Variants in HMCN1 observed in about 807,000 individuals in gnomAD.
HMCN1 encodes the protein hemicentin 1, also known as hemicentin-1.
HMCN1 carries 321 observed loss-of-function variants against 625.9 expected under a neutral mutation model. That is an observed-to-expected ratio of 0.51 (90% confidence interval 0.47 to 0.56). The LOEUF is 0.56. HMCN1 is among the 20% of genes least tolerant of loss of function. The probability of loss-of-function intolerance (pLI) is 0.00; values close to 1 mark genes in which losing one functional copy is unlikely to be tolerated. For synonymous variants in HMCN1, 2,425 were observed against 2,417.6 expected, an observed-to-expected ratio of 1.00 and a Z score of -0.09; for missense variants, 6,588 against 6,887.3, an observed-to-expected ratio of 0.96 and a Z score of 1.54.
Position 185,970,349 on chromosome 1 carries a change from A to G in HMCN1, c.2227A>G (p.Arg743Gly). ...VKWFKGDLEL[R>G]PSTFLIIDPL... ...TTTTGACTTAGGAGATCTTGAGTTG[A>G]GGCCCTCAACATTCCTCATTATTGA... is the stretch of plus-strand genomic sequence containing the variant. The change falls in exon 15 of 107, where the codon AGG (arginine) becomes GGG (glycine). Residue 743 changes from arginine (R) to glycine (G), a missense_variant. Physicochemically the swap from Arg to Gly is moderately radical, Grantham distance 125. Transcript: ENST00000271588. 6.2e-7 allele frequency: 1 copy of G among 1,613,564 alleles called. No homozygotes were observed. Among genetic ancestry groups the G allele is most frequent in the Non-Finnish European group, 8.5e-7 (1 of 1,179,542 alleles).
intron 2 of HMCN1, among the ~76,000 whole-genome samples, chr1:185,854,074 G>A (rs1662320754): frequency 6.6e-6 from 1 of 152,156 alleles, no homozygotes; most frequent in East Asian, 1.9e-4. Flanking sequence ...TGGTAAGGAT[G>A]GAGATCAAAA....
rs777547389 is a variant in HMCN1 at position 186,038,836 on chromosome 1, A to G, written c.5859A>G (p.Thr1953=). Reference sequence around the variant, plus strand: ...CTCCCCTTCTTCTTTCAGTTATTACATGGTACAAAGATAATCGTCTACTCT... The same window carrying G: ...CTCCCCTTCTTCTTTCAGTTATTACGTGGTACAAAGATAATCGTCTACTCT... ...KAAGNPVPVI[T]WYKDNRLLSG... is the part of the protein sequence containing the mutation. Residue 1953 remains threonine (T), a synonymous_variant, in exon 38 of 107, where the codon ACA becomes ACG. Transcript: ENST00000271588. The G allele has an allele frequency of 1.1e-5, 18 of 1,596,988 alleles. No homozygotes were observed. Among genetic ancestry groups the G allele is most frequent in the East Asian group, 2.2e-5 (1 of 44,726 alleles).
intron 1 of HMCN1, among the ~76,000 whole-genome samples, chr1:185,748,717 C>T (rs1654597678): frequency 1.3e-5 from 2 of 152,140 alleles, no homozygotes; most frequent in African/African-American, 4.8e-5. Context: ...GCCTTAGTTT[C>T]CTTATCATTA....
intron 30 of HMCN1, among the ~76,000 whole-genome samples, chr1:186,010,210 T>C (rs1269197795): frequency 6.6e-6 from 1 of 151,912 alleles, no homozygotes; most frequent in Non-Finnish European, 1.5e-5. Flanking sequence ...TGTATATATG[T>C]GTGTGTGTGG....
chr1:186,148,167 C>A (rs1650440857), intron 93 of HMCN1, among the ~76,000 whole-genome samples: 2 of 152,200 alleles, frequency 1.3e-5, no homozygotes, highest in Admixed American at 6.5e-5. Flanking sequence ...TATCAAACAA[C>A]CATTTTCTTT....
intron 1 of HMCN1, among the ~76,000 whole-genome samples, chr1:185,780,816 T>G (rs1435245778): frequency 1.3e-5 from 2 of 152,150 alleles, no homozygotes; most frequent in African/African-American, 4.8e-5. Context: ...TCTCTTTTTT[T>G]GTTGTGTCTC....
chr1:186,076,289 TTGG>T, intron 53 of HMCN1, 136 bp from the exon 54 acceptor site: 3 of 848,440 alleles, frequency 3.5e-6, no homozygotes, highest in Non-Finnish European at 5.7e-6. Flanking sequence ...AGGGCTAGAG[TTGG>T]TGGTGGCGTC....
chr1:185,905,546 A>G (rs1430225809), intron 4 of HMCN1, among the ~76,000 whole-genome samples: 1 of 151,832 alleles, frequency 6.6e-6, no homozygotes, highest in Non-Finnish European at 1.5e-5. Context: ...AATGCATTAC[A>G]TAAGAAATGC....
chr1:186,088,905 C>A, intron 63 of HMCN1, 150 bp downstream of exon 63: 9 of 773,608 alleles, frequency 1.2e-5, no homozygotes, highest in South Asian at 5.8e-5. Flanking sequence ...CTTATATTTA[C>A]CAGTAGATTC....
At position 185,923,509 on chromosome 1, in the gene HMCN1, C is replaced by G. The variant is rs1249731889; in HGVS notation, c.1141C>G (p.Pro381Ala). ...TAAGACTATTCCTGTTAAATATTAC[C>G]CACATCGAAAACCTTATGGCATATG... ...SLKTIPVKYY[P>A]HRKPYGIWNI... The change falls in exon 8 of 107, where the codon CCA (proline) becomes GCA (alanine). Residue 381 changes from proline (P) to alanine (A), a missense_variant. By Grantham distance (27) the Pro-to-Ala change is conservative. Around this residue, in one of 3 missense-constraint regions of HMCN1, gnomAD observed 4,628 missense variants for 4,853.1 expected, o/e 0.95. Transcript: ENST00000271588. 2 of 1,612,090 alleles carry G rather than the reference C, an allele frequency of 1.2e-6. No individual in the cohort carries two copies. The highest frequency in any genetic ancestry group is 1.7e-6 in the Non-Finnish European group (2 of 1,178,654).
chr1:186,016,508 C>T lies in HMCN1; in HGVS notation c.5191+269C>T, dbSNP rs537753212. ...TTTTACGTCTATGACAATGTCTAAT[C>T]GCAATGAGCAACAACATGGTCTTTT... On this transcript the variant is annotated intron_variant, in intron 32 of 106. Coordinates refer to ENST00000271588, the MANE Select transcript of HMCN1 (RefSeq NM_031935.3). Among the ~76,000 whole-genome samples the T allele has an allele frequency of 2.6e-5, 4 of 152,100 alleles. No individual in the cohort carries two copies. The East Asian group carries it at 5.8e-4, about 22-fold the overall frequency.
At chr1:185,861,131 T>C (rs114323526) in intron 2 of HMCN1, among the ~76,000 whole-genome samples, 30 of 152,148 alleles carry the variant, frequency 2.0e-4, no homozygotes, top group African/African-American at 7.2e-4. Flanking sequence ...TCCTGGGTAA[T>C]GTTTCAGGAT....
At chr1:186,044,304 T>C (rs1350543955) in intron 40 of HMCN1, among the ~76,000 whole-genome samples, 1 of 152,150 alleles carries the variant, frequency 6.6e-6, no homozygotes, top group East Asian at 1.9e-4. Flanking sequence ...ATCATGAATC[T>C]CTGCACAAAT....
chr1:185,973,611 T>C (rs1442912504), intron 15 of HMCN1, among the ~76,000 whole-genome samples: 2 of 152,036 alleles, frequency 1.3e-5, no homozygotes, highest in African/African-American at 4.8e-5. Context: ...ATGAAAAGGC[T>C]ATTTAATACG....
chr1:185,844,893 C>G (rs900542786), intron 1 of HMCN1, among the ~76,000 whole-genome samples: 4 of 152,138 alleles, frequency 2.6e-5, no homozygotes, highest in Non-Finnish European at 5.9e-5. Flanking sequence ...TGGATCCAAC[C>G]AAAAATACAA....
At chr1:186,060,820 G>A (rs189315230) in intron 46 of HMCN1, among the ~76,000 whole-genome samples, 1 of 152,016 alleles carries the variant, frequency 6.6e-6, no homozygotes, top group Admixed American at 6.6e-5. Context: ...GGGTGTCTGG[G>A]CTGGTTGTCT....
In HMCN1 at chr1:185,989,226, A is replaced by C. The variant is rs535569066; in HGVS notation, c.3049-262A>C. Among the ~76,000 whole-genome samples the C allele has an allele frequency of 3.3e-5, 5 of 151,760 alleles. No homozygotes were observed. In the East Asian group the frequency reaches 9.7e-4, roughly 30 times the overall value. On this transcript the variant is annotated intron_variant, in intron 20 of 106. Transcript: ENST00000271588. ...GTTTCACCGTGGTCTCGATCTCCTG[A>C]CCTTGTGATCTGCCCGCCTTGGCCT... is the stretch of plus-strand genomic sequence containing the variant.
chr1:185,782,328 A>G (rs1571343617), intron 1 of HMCN1, among the ~76,000 whole-genome samples: 1 of 152,250 alleles, frequency 6.6e-6, no homozygotes, highest in South Asian at 2.1e-4. Flanking sequence ...TTTTAAATGG[A>G]GCATTTAGCC....
At chr1:186,022,940 T>A (rs1270809948) in intron 35 of HMCN1, 90 bp from the exon 36 acceptor site, 2 of 1,300,086 alleles carry the variant, frequency 1.5e-6, no homozygotes, top group Non-Finnish European at 2.2e-6. Flanking sequence ...TTAGATATTA[T>A]AAATTTAAAT....
Sources: gnomAD v4.1 joint callset for allele counts (sites outside exome capture counted in the v4.1 genomes callset) on GRCh38, gnomAD v4.1.1 for gene constraint, gnomAD v4.1.1 regional missense constraint, MANE v1.5 for transcripts, NCBI Gene and HGNC (gene_info 2026-07-23, HGNC 2026-07-21) for gene names.